The following ABHD17C variants were observed in gnomAD, a reference collection of about 807,000 sequenced individuals.
ABHD17C encodes the protein abhydrolase domain containing 17C, depalmitoylase.
In ABHD17C, 11 loss-of-function variants were observed where a neutral mutation model predicts 27.9. The observed-to-expected ratio is 0.39, with a 90% CI of 0.25 to 0.65. The LOEUF is 0.65. Ranked by LOEUF, ABHD17C falls within the 30% of genes least tolerant of loss-of-function variation. The pLI is 0.45. For missense variants in ABHD17C, 280 were observed against 470.2 expected, an observed-to-expected ratio of 0.60 and a Z score of 3.74; for synonymous variants, 233 against 209.1, an observed-to-expected ratio of 1.11 and a Z score of -0.98.
At chr15:80,737,613 T>G (rs550767975) in intron 1 of ABHD17C, among the ~76,000 whole-genome samples, 153 of 152,268 alleles carry the variant, frequency 1.0e-3, no homozygotes, top group South Asian at 3.1e-3. Flanking sequence ...CACGGTGCAG[T>G]TAAACACATC....
chr15:80,745,560 T>TC (rs1417049887), intron 1 of ABHD17C, among the ~76,000 whole-genome samples: 1 of 152,076 alleles, frequency 6.6e-6, no homozygotes, highest in Non-Finnish European at 1.5e-5. Flanking sequence ...GGAGATGGTG[T>TC]CTTGCTTTTT....
At chr15:80,726,501 G>GTTTGTTTTTTTTT (rs1894978114) in intron 1 of ABHD17C, among the ~76,000 whole-genome samples, 2 of 94,508 alleles carry the variant, frequency 2.1e-5, no homozygotes, top group African/African-American at 1.1e-4. Flanking sequence ...TCTTTTTCTG[G>GTTTGTTTTTTTTT]TTTTTTTTTT....
intron 1 of ABHD17C, among the ~76,000 whole-genome samples, chr15:80,712,944 A>G (rs1894746878): frequency 6.6e-6 from 1 of 152,198 alleles, no homozygotes; most frequent in African/African-American, 2.4e-5. Flanking sequence ...ATCTCAAATT[A>G]TATACAATGT....
At chr15:80,721,057 TC>T (rs1480558503) in intron 1 of ABHD17C, among the ~76,000 whole-genome samples, 1 of 152,116 alleles carries the variant, frequency 6.6e-6, no homozygotes, top group Non-Finnish European at 1.5e-5. Context: ...TTCATAGGTG[TC>T]TTTTATTACA....
rs560827100 is a variant in ABHD17C at position 80,709,990 on chromosome 15, T to A, written c.590+13971T>A. ...ACAGTAATCATAATGAGTATGTGAA[T>A]GATAGTTTATTATTCAAATATGATA... On this transcript the variant is annotated intron_variant, in intron 1 of 2. Coordinates refer to ENST00000258884, the MANE Select transcript of ABHD17C (RefSeq NM_021214.2). Among the ~76,000 whole-genome samples, 4 of 152,306 alleles carry A rather than the reference T, an allele frequency of 2.6e-5. No homozygotes were observed. The South Asian group carries it at 8.3e-4, about 32-fold the overall frequency.
chr15:80,711,453 C>T (rs541901032), intron 1 of ABHD17C, among the ~76,000 whole-genome samples: 51 of 152,238 alleles, frequency 3.4e-4, no homozygotes, highest in Admixed American at 2.0e-3. Context: ...CCAGGCAGCC[C>T]GCAGGTGATT....
rs1433981766 is a variant in ABHD17C at position 80,754,379 on chromosome 15, A to G, written c.*9A>G. 3 of 1,601,776 alleles carry G rather than the reference A, an allele frequency of 1.9e-6. No individual in the cohort carries two copies. The highest frequency in any genetic ancestry group is 1.7e-5 in the Admixed American group (1 of 59,068). ...AACTTCCTAATTCCTGAAGACAACA[A>G]CTTGATCTTACCTCATTTACTGTGA... is the stretch of plus-strand genomic sequence containing the variant. On this transcript the variant is annotated 3_prime_UTR_variant, in exon 3 of 3. Coordinates refer to ENST00000258884, the MANE Select transcript of ABHD17C (RefSeq NM_021214.2).
chr15:80,735,101 A>C (rs142537544), intron 1 of ABHD17C, among the ~76,000 whole-genome samples: 1 of 152,174 alleles, frequency 6.6e-6, no homozygotes, highest in Non-Finnish European at 1.5e-5. Flanking sequence ...CTTCCTCTGC[A>C]CTGTGGCAGG....
chr15:80,721,706 G>C (rs1487646394), intron 1 of ABHD17C, among the ~76,000 whole-genome samples: 2 of 152,206 alleles, frequency 1.3e-5, no homozygotes, highest in Non-Finnish European at 2.9e-5. Flanking sequence ...TGGGTAACCA[G>C]GTTGGGTTTC....
chr15:80,708,313 G>C (rs1894677112), intron 1 of ABHD17C, among the ~76,000 whole-genome samples: 1 of 148,102 alleles, frequency 6.8e-6, no homozygotes, highest in South Asian at 2.1e-4. Flanking sequence ...GTTTTGTTTT[G>C]TTTTGTTTTG....
chr15:80,709,498 AAAAC>A (rs1894700053), intron 1 of ABHD17C, among the ~76,000 whole-genome samples: 1 of 151,604 alleles, frequency 6.6e-6, no homozygotes, highest in African/African-American at 2.4e-5. Context: ...CAAAAAAAAA[AAAAC>A]AAAAAAACAC....
chr15:80,711,940 T>C (rs1230899234), intron 1 of ABHD17C, among the ~76,000 whole-genome samples: 1 of 152,232 alleles, frequency 6.6e-6, no homozygotes, highest in Non-Finnish European at 1.5e-5. Flanking sequence ...TGTATATTTA[T>C]GAAGGAAGAA....
intron 1 of ABHD17C, among the ~76,000 whole-genome samples, chr15:80,710,290 A>G (rs1209678861): frequency 6.6e-6 from 1 of 152,112 alleles, no homozygotes; most frequent in Non-Finnish European, 1.5e-5. Flanking sequence ...GTAGTAGGAG[A>G]TGAGGACTGG....
Position 80,749,620 on chromosome 15 carries a change from C to T in ABHD17C, c.698C>T (p.Ser233Phe). 6.2e-7 allele frequency: 1 copy of T among 1,613,962 alleles called. No homozygotes were observed. Among genetic ancestry groups the T allele is most frequent in the Non-Finnish European group, 8.5e-7 (1 of 1,179,850 alleles). Residue 233 changes from serine (S) to phenylalanine (F), a missense_variant, in exon 2 of 3, where the codon TCC becomes TTC. This residue lies in a region of ABHD17C where 206 missense variants were observed against 394.7 expected (regional missense o/e 0.52). Coordinates refer to ENST00000258884, the MANE Select transcript of ABHD17C (RefSeq NM_021214.2). ...GAATGCGCAGCGGTAATTCTCCATT[C>T]CCCTCTGATGTCTGGTTTGCGTGTG... ...RYECAAVILHSPLMSGLRVAF... is the reference protein window; with the variant it reads ...RYECAAVILHFPLMSGLRVAF...
chr15:80,719,457 G>T lies in ABHD17C; in HGVS notation c.590+23438G>T, dbSNP rs200185085. Among the ~76,000 whole-genome samples the T allele has an allele frequency of 3.3e-5, 5 of 152,286 alleles. No homozygotes were observed. The East Asian group carries it at 9.7e-4, about 29-fold the overall frequency. Reference sequence around the variant, plus strand: ...TACCCCCAGTTCCTACTTGCTGTCAGCCTAACTTTTACTACTACAGGATTA... The same window carrying T: ...TACCCCCAGTTCCTACTTGCTGTCATCCTAACTTTTACTACTACAGGATTA... On this transcript the variant is annotated intron_variant, in intron 1 of 2. Coordinates refer to ENST00000258884, the MANE Select transcript of ABHD17C (RefSeq NM_021214.2).
At position 80,749,676 on chromosome 15, in the gene ABHD17C, T is replaced by C. The variant is rs1160728965; in HGVS notation, c.754T>C (p.Phe252Leu). The change falls in exon 2 of 3, where the codon TTT becomes CTT. Residue 252 changes from phenylalanine (F) to leucine (L), a missense_variant. Physicochemically the swap from Phe to Leu is conservative, Grantham distance 22. This residue lies in a region of ABHD17C where 206 missense variants were observed against 394.7 expected (regional missense o/e 0.52). Transcript: ENST00000258884. ...TCCGGATACCAGGAAAACATACTGC[T>C]TTGATGCTTTCCCCAGGTAAGTTCA... is the stretch of plus-strand genomic sequence containing the variant. Reference protein sequence around the residue: ...AFPDTRKTYCFDAFPSIDKIS... With the variant: ...AFPDTRKTYCLDAFPSIDKIS... 6.2e-7 allele frequency: 1 copy of C among 1,613,940 alleles called. No homozygotes were observed. Among genetic ancestry groups the C allele is most frequent in the South Asian group, 1.1e-5 (1 of 91,078 alleles).
intron 1 of ABHD17C, among the ~76,000 whole-genome samples, chr15:80,738,227 G>A (rs1895160736): frequency 6.6e-6 from 1 of 152,144 alleles, no homozygotes; most frequent in South Asian, 2.1e-4. Context: ...GCAATGGATT[G>A]ACACCAGGTC....
rs533434229 is a variant in ABHD17C at position 80,749,248 on chromosome 15, A to C, written c.591-265A>C. Reference sequence around the variant, plus strand: ...AATGAAATTTATAAAGCATATATTTAATTAGCCAGAAAAATAATATCATGT... The same window carrying C: ...AATGAAATTTATAAAGCATATATTTCATTAGCCAGAAAAATAATATCATGT... On this transcript the variant is annotated intron_variant, in intron 1 of 2. Coordinates refer to ENST00000258884, the MANE Select transcript of ABHD17C (RefSeq NM_021214.2). Among the ~76,000 whole-genome samples the C allele has an allele frequency of 2.0e-5, 3 of 152,342 alleles. No homozygotes were observed. In the South Asian group the frequency reaches 6.2e-4, roughly 32 times the overall value.
Position 80,754,286 on chromosome 15 carries a change from G to A in ABHD17C, c.906G>A (p.Gly302=), listed in dbSNP as rs1278242910. ...CCGTGGAGCCCCTTTGGGTTGAAGG[G>A]GCTGGGCATAATGACATAGAGCTTT... ...PRAVEPLWVE[G]AGHNDIELYA... The change falls in exon 3 of 3, where the codon GGG becomes GGA. Residue 302 remains glycine, a synonymous_variant. Coordinates refer to ENST00000258884, the MANE Select transcript of ABHD17C (RefSeq NM_021214.2). The A allele has an allele frequency of 6.2e-6, 10 of 1,613,948 alleles. No homozygotes were observed. The South Asian group carries it at 1.1e-4, about 18-fold the overall frequency.
Sources: allele counts gnomAD v4.1 joint callset (sites outside exome capture counted in the v4.1 genomes callset), GRCh38; gene constraint gnomAD v4.1.1; regional missense constraint gnomAD v4.1.1; transcripts MANE v1.5; gene names NCBI Gene and HGNC (gene_info 2026-07-23, HGNC 2026-07-21).